WDFY3: variants seen among roughly 807,000 people sequenced by gnomAD.
WDFY3 encodes WD repeat and FYVE domain containing 3, also known as WD repeat and FYVE domain-containing protein 3.
In WDFY3, 66 loss-of-function variants were observed where a neutral mutation model predicts 409.6. The observed-to-expected ratio is 0.16, with a 90% confidence interval of 0.13 to 0.20. The LOEUF is 0.20. Ranked by LOEUF, WDFY3 falls within the 10% of genes least tolerant of loss-of-function variation. The probability of loss-of-function intolerance (pLI) is 1.00; values close to 1 mark genes in which losing one functional copy is unlikely to be tolerated. For synonymous variants in WDFY3, 1,521 were observed against 1,537.1 expected (o/e 0.99, Z 0.25); for missense variants, 3,031 against 4,298.1 (o/e 0.71, Z 8.24).
intron 62 of WDFY3, among the ~76,000 whole-genome samples, chr4:84,687,207 G>A (rs570793917): frequency 5.2e-4 from 79 of 151,792 alleles, no homozygotes; most frequent in Non-Finnish European, 8.5e-4. Flanking sequence ...GCAGTGGAGC[G>A]ATCTTGGCTC....
chr4:84,872,912 T>C (rs1762312161), intron 3 of WDFY3, among the ~76,000 whole-genome samples: 2 of 152,156 alleles, frequency 1.3e-5, no homozygotes, highest in Admixed American at 1.3e-4. Context: ...ATGTAGTCTT[T>C]CGGATAAGAA....
chr4:84,794,406 G>A, intron 21 of WDFY3, 113 bp downstream of exon 21: 1 of 1,046,942 alleles, frequency 9.6e-7, no homozygotes, highest in South Asian at 1.6e-5. Flanking sequence ...CTTGTTCTAT[G>A]CTATAATAAT....
At chr4:84,732,462 A>G (rs754151184) in intron 44 of WDFY3, among the ~76,000 whole-genome samples, 1 of 152,180 alleles carries the variant, frequency 6.6e-6, no homozygotes, top group Non-Finnish European at 1.5e-5. Flanking sequence ...TCACTATGGA[A>G]TGTAATAGAT....
chr4:84,679,042 C>T lies in WDFY3; in HGVS notation c.10024G>A (p.Glu3342Lys). ...TTCACAAATATGAAGCCGTCTTTCTCATCTAGACTGAGCTGGTCGGACCAG... is the reference window on the plus strand; with the variant it reads ...TTCACAAATATGAAGCCGTCTTTCTTATCTAGACTGAGCTGGTCGGACCAG... ...RRWSDQLSLD[E>K]KDGFIFVNYS... Residue 3342 changes from glutamate to lysine, a missense_variant, in exon 65 of 68, where the codon GAG becomes AAG. Glu to Lys is a moderately conservative substitution (Grantham distance 56). Transcript: ENST00000295888. 1 of 1,614,234 alleles carries T rather than the reference C, an allele frequency of 6.2e-7. No homozygotes were observed. The highest frequency in any genetic ancestry group is 1.3e-5 in the African/African-American group (1 of 75,054).
intron 56 of WDFY3, among the ~76,000 whole-genome samples, chr4:84,700,102 A>C (rs1314416761): frequency 6.6e-6 from 1 of 152,126 alleles, no homozygotes; most frequent in African/African-American, 2.4e-5. Flanking sequence ...TAATTTTGAT[A>C]TCATATTTAA....
intron 13 of WDFY3, among the ~76,000 whole-genome samples, chr4:84,812,353 G>GCACA (rs139367271): frequency 6.6e-6 from 1 of 150,988 alleles, no homozygotes; most frequent in East Asian, 1.9e-4. Context: ...GCGCATGCAC[G>GCACA]CACACACACA....
At chr4:84,852,603 A>T (rs1759180144) in intron 4 of WDFY3, among the ~76,000 whole-genome samples, 1 of 152,220 alleles carries the variant, frequency 6.6e-6, no homozygotes, top group Non-Finnish European at 1.5e-5. Flanking sequence ...AGTTTGACAA[A>T]TGAATAATTT....
intron 2 of WDFY3, among the ~76,000 whole-genome samples, chr4:84,919,531 A>T (rs1316678474): frequency 2.0e-5 from 3 of 152,138 alleles, no homozygotes; most frequent in Non-Finnish European, 4.4e-5. Flanking sequence ...TTTGAATTGT[A>T]GTTCCCATAA....
intron 3 of WDFY3, among the ~76,000 whole-genome samples, chr4:84,865,447 A>T (rs1031047890): frequency 1.3e-5 from 2 of 152,178 alleles, no homozygotes; most frequent in African/African-American, 4.8e-5. Context: ...CTGCTAAGTA[A>T]GTTTAGCCAG....
chr4:84,737,443 C>A (rs1737640921), intron 40 of WDFY3, 77 bp from the exon 41 acceptor site: 16 of 1,421,428 alleles, frequency 1.1e-5, no homozygotes, highest in African/African-American at 1.5e-5. Context: ...TTTTATTTTT[C>A]TTCATGTTTA....
chr4:84,717,128 T>C, intron 48 of WDFY3, 112 bp from the exon 49 acceptor site: 1 of 1,183,872 alleles, frequency 8.4e-7, no homozygotes, highest in Non-Finnish European at 1.1e-6. Flanking sequence ...GAGTAATATA[T>C]ATCAGAATTT....
chr4:84,814,134 A>G (rs559758588), intron 13 of WDFY3, among the ~76,000 whole-genome samples: 1 of 152,348 alleles, frequency 6.6e-6, no homozygotes, highest in South Asian at 2.1e-4. Flanking sequence ...ATACGCCACT[A>G]TGGCATAAGG....
At chr4:84,713,415 T>C (rs1733278809) in intron 50 of WDFY3, among the ~76,000 whole-genome samples, 176 bp from the exon 51 acceptor site, 1 of 152,158 alleles carries the variant, frequency 6.6e-6, no homozygotes, top group African/African-American at 2.4e-5. Context: ...GAGGAAATAA[T>C]TTCTTAGCAC....
At chr4:84,958,306 A>G (rs1774496292) in intron 1 of WDFY3, among the ~76,000 whole-genome samples, 2 of 152,242 alleles carry the variant, frequency 1.3e-5, no homozygotes, top group Admixed American at 6.5e-5. Context: ...CACATGAACT[A>G]GCAGTTGCTA....
chr4:84,696,929 C>T lies in WDFY3; in HGVS notation c.8597-106G>A, dbSNP rs544208657. On this transcript the variant is annotated intron_variant, in intron 56 of 67. Coordinates refer to ENST00000295888, the MANE Select transcript of WDFY3 (RefSeq NM_014991.6). ...TGGTGGGTTAGATTCAATACCAGAACGCTAAAATTGTACACCAGAAAGGAC... is the reference window on the plus strand; with the variant it reads ...TGGTGGGTTAGATTCAATACCAGAATGCTAAAATTGTACACCAGAAAGGAC... 1.9e-4 allele frequency: 180 copies of T among 938,634 alleles called. 4 individuals are homozygous for T. Among genetic ancestry groups the T allele is most frequent in the Middle Eastern group, 1.2e-3 (4 of 3,370 alleles). The allele number at this position is 938,634 out of a possible 1,614,324, so 58.1% of individuals were successfully genotyped here.
rs774672002 is a variant in WDFY3, at chr4:84,739,034, T to A, written c.6550A>T (p.Ser2184Cys). 1.2e-6 allele frequency: 2 copies of A among 1,614,138 alleles called. No individual in the cohort carries two copies. The highest frequency in any genetic ancestry group is 1.7e-6 in the Non-Finnish European group (2 of 1,179,976). Reference protein sequence around the residue: ...MIPSDIEPDGSYSQDISEGRQ... With the variant: ...MIPSDIEPDGCYSQDISEGRQ... ...CCTTCACTAATATCTTGGCTGTAAC[T>A]ACCATCTGGTTCAATGTCCGAGGGG... The change falls in exon 40 of 68, where the codon AGT becomes TGT. Residue 2184 changes from serine (S) to cysteine (C), a missense_variant. By Grantham distance (112) the Ser-to-Cys change is moderately radical. This residue lies in a region of WDFY3 where 314 missense variants were observed against 397.4 expected (regional missense o/e 0.79). Transcript: ENST00000295888.
chr4:84,939,939 G>A (rs1771902221), intron 1 of WDFY3, among the ~76,000 whole-genome samples: 1 of 152,026 alleles, frequency 6.6e-6, no homozygotes, highest in South Asian at 2.1e-4. Context: ...ATGTATGAAT[G>A]CAAATACACA....
intron 29 of WDFY3, 122 bp from the exon 30 acceptor site, chr4:84,773,051 T>C (rs1744945457): frequency 1.5e-6 from 1 of 680,580 alleles, no homozygotes; most frequent in East Asian, 3.3e-5. Context: ...TTTTTTTTCA[T>C]AATCTCATTT....
intron 3 of WDFY3, among the ~76,000 whole-genome samples, chr4:84,886,920 C>G (rs1310310164): frequency 2.6e-5 from 4 of 152,266 alleles, no homozygotes; most frequent in African/African-American, 9.6e-5. Flanking sequence ...GGCATAATCT[C>G]TCAGTCTTCT....
Sources: gnomAD v4.1 joint callset for allele counts (sites outside exome capture counted in the v4.1 genomes callset) on GRCh38, gnomAD v4.1.1 for gene constraint, gnomAD v4.1.1 regional missense constraint, MANE v1.5 for transcripts, NCBI Gene and HGNC (gene_info 2026-07-23, HGNC 2026-07-21) for gene names.